Variants in GASK1B observed in about 807,000 individuals in gnomAD.
The protein encoded by GASK1B is golgi associated kinase 1B.
A neutral mutation model predicts 42.8 loss-of-function variants in GASK1B; 34 were observed. That is an observed-to-expected ratio of 0.79 (90% CI 0.60 to 1.06). GASK1B has a LOEUF of 1.06. Ranked by LOEUF, GASK1B falls within the 50% of genes least tolerant of loss-of-function variation. The pLI is 0.00. For missense variants in GASK1B, 686 were observed against 661.0 expected, an observed-to-expected ratio of 1.04 and a Z score of -0.42; for synonymous variants, 262 against 259.1, an observed-to-expected ratio of 1.01 and a Z score of -0.11.
In GASK1B at chr4:158,141,597, C is replaced by CATTTT. The variant is rs1553958620; in HGVS notation, c.1126-10586_1126-10585insAAAAT. ...CATAGGTCAGTGCCTTTGTATTTAC[C>CATTTT]TTTTTTTTTTTTTTTTTTTTTTTTT... On this transcript the variant is annotated intron_variant, in intron 3 of 4. Coordinates refer to ENST00000585682, the MANE Select transcript of GASK1B (RefSeq NM_001128424.2). Among the ~76,000 whole-genome samples the CATTTT allele has an allele frequency of 8.8e-5, 10 of 113,692 alleles. 5 individuals are homozygous for CATTTT. Among genetic ancestry groups the CATTTT allele is most frequent in the African/African-American group, 1.4e-4 (4 of 28,906 alleles). The allele number at this position is 113,692 out of a possible 152,430, so 74.6% of individuals were successfully genotyped here.
At chr4:158,152,692 A>G (rs1235799529) in intron 3 of GASK1B, among the ~76,000 whole-genome samples, 1 of 152,200 alleles carries the variant, frequency 6.6e-6, no homozygotes, top group Non-Finnish European at 1.5e-5. Flanking sequence ...ATGGTTTAAC[A>G]TATGCAAGCA....
At chr4:158,168,959 T>G (rs575313472) in intron 2 of GASK1B, 1 of 152,330 alleles carries the variant, frequency 6.6e-6, no homozygotes, top group African/African-American at 2.4e-5. Context: ...GTTTGGATAA[T>G]AAGTTACATA....
chr4:158,162,240 A>G (rs1159926592), intron 2 of GASK1B, among the ~76,000 whole-genome samples: 1 of 152,154 alleles, frequency 6.6e-6, no homozygotes, highest in African/African-American at 2.4e-5. Flanking sequence ...AGGGCCTCCT[A>G]AAAATATCTC....
At chr4:158,132,329 G>GA (rs1242581586) in intron 3 of GASK1B, among the ~76,000 whole-genome samples, 1 of 152,082 alleles carries the variant, frequency 6.6e-6, no homozygotes, top group Non-Finnish European at 1.5e-5. Context: ...AGCTGTCTAG[G>GA]AGACCAGCTG....
At chr4:158,138,206 C>T (rs1285580692) in intron 3 of GASK1B, among the ~76,000 whole-genome samples, 1 of 152,154 alleles carries the variant, frequency 6.6e-6, no homozygotes, top group Non-Finnish European at 1.5e-5. Flanking sequence ...CACTATGCCA[C>T]AGAAAGACTG....
At chr4:158,155,527 C>T in intron 3 of GASK1B, 84 bp downstream of exon 3, 1 of 1,163,194 alleles carries the variant, frequency 8.6e-7, no homozygotes, top group African/African-American at 1.5e-5. Context: ...ATAAAAACTC[C>T]AGGTGCTGAA....
chr4:158,151,604 G>C (rs1416821346), intron 3 of GASK1B, among the ~76,000 whole-genome samples: 12 of 152,116 alleles, frequency 7.9e-5, no homozygotes, highest in Admixed American at 7.2e-4. Flanking sequence ...TGACCTCTAA[G>C]CCTGGGGCAA....
At chr4:158,131,330 C>A (rs62337015) in intron 3 of GASK1B, among the ~76,000 whole-genome samples, 2 of 152,090 alleles carry the variant, frequency 1.3e-5, no homozygotes. Context: ...TCTGACTCCA[C>A]GCACAGCAGA....
rs193052165 is a variant in GASK1B, at chr4:158,163,871, G to A, written c.910+6595C>T. Among the ~76,000 whole-genome samples, 16 of 152,224 alleles carry A rather than the reference G, an allele frequency of 1.1e-4. No homozygotes were observed. In the South Asian group the frequency reaches 1.2e-3, roughly 12 times the overall value. On this transcript the variant is annotated intron_variant, in intron 2 of 4. Coordinates refer to ENST00000585682, the MANE Select transcript of GASK1B (RefSeq NM_001128424.2). ...ACTGTACCACTTTTCCCTAGTATCC[G>A]GGGCAGTGCCTCACACATAAAAATG...
At chr4:158,136,163 A>G (rs962678084) in intron 3 of GASK1B, among the ~76,000 whole-genome samples, 2 of 152,150 alleles carry the variant, frequency 1.3e-5, no homozygotes, top group Non-Finnish European at 2.9e-5. Flanking sequence ...GAGTGGCGCA[A>G]TAGGAGACCA....
At chr4:158,140,862 T>C (rs918191144) in intron 3 of GASK1B, among the ~76,000 whole-genome samples, 3 of 152,204 alleles carry the variant, frequency 2.0e-5, no homozygotes, top group Non-Finnish European at 4.4e-5. Flanking sequence ...AATTTCAACA[T>C]AGTCTAAAAA....
chr4:158,141,853 C>T (rs566018538), intron 3 of GASK1B, among the ~76,000 whole-genome samples: 3 of 150,490 alleles, frequency 2.0e-5, no homozygotes, highest in South Asian at 2.1e-4. Context: ...GTGATCAGCC[C>T]GCCTCGGCCT....
In GASK1B at chr4:158,171,344, A is replaced by T. The variant is rs775469210; in HGVS notation, c.32T>A (p.Ile11Lys). Residue 11 changes from isoleucine to lysine, a missense_variant, in exon 2 of 5, where the codon ATA becomes AAA. Transcript: ENST00000585682. The stretch of plus-strand genomic sequence containing the variant: ...GCACAGGGAGCAGATGAACCAGTTT[A>T]TGAGCTGCCCCGGCTTGTCTGGACA... MTCPDKPGQL[I>K]NWFICSLCVP... 3 of 1,604,534 alleles carry T rather than the reference A, an allele frequency of 1.9e-6. No homozygotes were observed.
At chr4:158,167,954 C>T (rs1469717797) in intron 2 of GASK1B, among the ~76,000 whole-genome samples, 1 of 152,132 alleles carries the variant, frequency 6.6e-6, no homozygotes, top group Non-Finnish European at 1.5e-5. Flanking sequence ...ATACTGAGAA[C>T]CTAATGCTGT....
intron 3 of GASK1B, among the ~76,000 whole-genome samples, chr4:158,131,573 G>A (rs1362258197): frequency 6.6e-6 from 1 of 152,178 alleles, no homozygotes; most frequent in Non-Finnish European, 1.5e-5. Context: ...GGAGGCCACA[G>A]CTAGATTCTA....
In GASK1B at chr4:158,135,068, C is replaced by T. The variant is rs549850515; in HGVS notation, c.1126-4056G>A. 1.6e-4 allele frequency among the ~76,000 whole-genome samples: 24 copies of T among 152,250 alleles called. No individual in the cohort carries two copies. The South Asian group carries it at 4.8e-3, about 30-fold the overall frequency. ...TATATTTTGGCCGAGCATGCTGGCT[C>T]ATGCCTGTAATCCCAGCACTTTGGA... is the stretch of plus-strand genomic sequence containing the variant. On this transcript the variant is annotated intron_variant, in intron 3 of 4. Coordinates refer to ENST00000585682, the MANE Select transcript of GASK1B (RefSeq NM_001128424.2).
intron 4 of GASK1B, among the ~76,000 whole-genome samples, chr4:158,128,279 A>G (rs909081535): frequency 1.3e-5 from 2 of 152,188 alleles, no homozygotes; most frequent in African/African-American, 2.4e-5. Context: ...GTTTCAGAGA[A>G]AAGTTTTAGT....
intron 3 of GASK1B, among the ~76,000 whole-genome samples, chr4:158,149,708 T>C (rs1731473096): frequency 6.6e-6 from 1 of 152,204 alleles, no homozygotes; most frequent in Non-Finnish European, 1.5e-5. Context: ...TCCACTTTAT[T>C]ACTATTACAT....
chr4:158,147,483 A>G (rs1000572554), intron 3 of GASK1B, among the ~76,000 whole-genome samples: 2 of 152,040 alleles, frequency 1.3e-5, no homozygotes, highest in African/African-American at 4.8e-5. Context: ...GCATACCCAT[A>G]GTCCCAGCTA....
Sources: gnomAD v4.1 joint callset for allele counts (sites outside exome capture counted in the v4.1 genomes callset) on GRCh38, gnomAD v4.1.1 for gene constraint, MANE v1.5 for transcripts, NCBI Gene and HGNC (gene_info 2026-07-23, HGNC 2026-07-21) for gene names.